The following DOK6 variants were observed in gnomAD, a reference collection of about 807,000 sequenced individuals.
DOK6 encodes downstream of tyrosine kinase 6.
In DOK6, 22 loss-of-function variants were observed where a neutral mutation model predicts 44.0. That is an observed-to-expected ratio of 0.50 (90% CI 0.36 to 0.71). DOK6 has a LOEUF of 0.71. Among genes scored for constraint, DOK6 ranks in the 30% least tolerant of loss-of-function variants. The probability of loss-of-function intolerance (pLI) is 0.00; values close to 1 mark genes in which losing one functional copy is unlikely to be tolerated. For synonymous variants in DOK6, 166 were observed against 145.5 expected (o/e 1.14, Z -1.01); for missense variants, 340 against 416.4 (o/e 0.82, Z 1.60).
intron 1 of DOK6, among the ~76,000 whole-genome samples, chr18:69,437,528 G>GGTACCA (rs1288199809): frequency 2.0e-5 from 3 of 151,926 alleles, no homozygotes; most frequent in Admixed American, 1.3e-4. Flanking sequence ...TATCTGTTTT[G>GGTACCA]GTACCAGTAC....
At chr18:69,495,617 C>T (rs148109787) in intron 1 of DOK6, among the ~76,000 whole-genome samples, 395 of 152,296 alleles carry the variant, frequency 2.6e-3, no homozygotes, top group African/African-American at 8.8e-3. Context: ...CACAAGTTCC[C>T]ACTCCTGTCA....
At chr18:69,525,616 A>G (rs1376670629) in intron 1 of DOK6, among the ~76,000 whole-genome samples, 1 of 152,004 alleles carries the variant, frequency 6.6e-6, no homozygotes. Flanking sequence ...CCCTGCTTTC[A>G]AATACTCCCT....
At chr18:69,821,802 A>ATTTTTT (rs1375476525) in intron 7 of DOK6, among the ~76,000 whole-genome samples, 35 of 147,618 alleles carry the variant, frequency 2.4e-4, no homozygotes, top group African/African-American at 7.7e-4. Flanking sequence ...TTTTTTTTAA[A>ATTTTTT]AAAAATCCTT....
intron 1 of DOK6, among the ~76,000 whole-genome samples, chr18:69,432,235 G>A (rs542589125): frequency 2.0e-5 from 3 of 152,286 alleles, no homozygotes; most frequent in Non-Finnish European, 2.9e-5. Flanking sequence ...TTGAGCCCAT[G>A]AGTTTGAGAC....
chr18:69,787,517 T>C lies in DOK6; in HGVS notation c.856+29644T>C, dbSNP rs192185437. ...AAAGTCATTTTATTTGTTTTTCTTC[T>C]GTCAAGGGTCACAGTCTTGTGCTGC... On this transcript the variant is annotated intron_variant, in intron 7 of 7. Coordinates refer to ENST00000382713, the MANE Select transcript of DOK6 (RefSeq NM_152721.6). 3.3e-3 allele frequency among the ~76,000 whole-genome samples: 509 copies of C among 152,306 alleles called. 8 individuals carry two copies. Among genetic ancestry groups the C allele is most frequent in the Non-Finnish European group, 1.7e-3 (118 of 68,020 alleles).
At chr18:69,421,381 G>T (rs2122407551) in intron 1 of DOK6, among the ~76,000 whole-genome samples, 1 of 152,268 alleles carries the variant, frequency 6.6e-6, no homozygotes. Context: ...GTGTAATGCA[G>T]ACAAAGAACT....
At chr18:69,611,711 A>T (rs1193485946) in intron 3 of DOK6, among the ~76,000 whole-genome samples, 2 of 152,200 alleles carry the variant, frequency 1.3e-5, no homozygotes, top group Non-Finnish European at 2.9e-5. Context: ...AAGTGACAGA[A>T]AGCACATCCC....
chr18:69,534,757 A>G (rs1217914989), intron 1 of DOK6, among the ~76,000 whole-genome samples: 1 of 152,030 alleles, frequency 6.6e-6, no homozygotes, highest in East Asian at 1.9e-4. Context: ...CATATTCTTA[A>G]TTCCAATACT....
At chr18:69,597,061 A>G (rs996007824) in intron 2 of DOK6, among the ~76,000 whole-genome samples, 2 of 151,910 alleles carry the variant, frequency 1.3e-5, no homozygotes, top group Non-Finnish European at 2.9e-5. Flanking sequence ...AAGATATAAA[A>G]TTATATAAAT....
chr18:69,456,839 C>A (rs749350057), intron 1 of DOK6, among the ~76,000 whole-genome samples: 1 of 152,100 alleles, frequency 6.6e-6, no homozygotes, highest in African/African-American at 2.4e-5. Context: ...TAATAATAGC[C>A]ATTTTGACTG....
At chr18:69,813,497 C>T (rs1015186089) in intron 7 of DOK6, among the ~76,000 whole-genome samples, 4 of 151,732 alleles carry the variant, frequency 2.6e-5, no homozygotes, top group African/African-American at 4.8e-5. Context: ...AATAGAAGCA[C>T]GGTTTATGCA....
intron 1 of DOK6, among the ~76,000 whole-genome samples, chr18:69,550,777 CTTTTT>C (rs10538639): frequency 2.0e-3 from 245 of 121,426 alleles, no homozygotes; most frequent in East Asian, 4.9e-3. Flanking sequence ...TTGTTTCTTT[CTTTTT>C]TTTTTTTTTT....
chr18:69,409,833 A>G (rs938113074), intron 1 of DOK6, among the ~76,000 whole-genome samples: 1 of 152,244 alleles, frequency 6.6e-6, no homozygotes, highest in African/African-American at 2.4e-5. Flanking sequence ...GAGTAAAATT[A>G]TACTTTTCAC....
At chr18:69,762,199 G>A (rs1448834846) in intron 7 of DOK6, among the ~76,000 whole-genome samples, 1 of 150,884 alleles carries the variant, frequency 6.6e-6, no homozygotes, top group Non-Finnish European at 1.5e-5. Flanking sequence ...ACATATTGCA[G>A]GGTATGATGG....
chr18:69,549,311 G>A (rs1982499112), intron 1 of DOK6, among the ~76,000 whole-genome samples: 1 of 151,390 alleles, frequency 6.6e-6, no homozygotes, highest in African/African-American at 2.4e-5. Context: ...TATGGGAGCT[G>A]CCATATTTAA....
intron 1 of DOK6, among the ~76,000 whole-genome samples, chr18:69,419,478 A>C (rs1473833707): frequency 2.0e-5 from 3 of 152,186 alleles, no homozygotes; most frequent in Admixed American, 2.0e-4. Flanking sequence ...TTTCAAAAGA[A>C]AAGTAATAGC....
intron 1 of DOK6, among the ~76,000 whole-genome samples, chr18:69,489,092 G>A (rs939535175): frequency 6.6e-6 from 1 of 152,090 alleles, no homozygotes; most frequent in African/African-American, 2.4e-5. Context: ...AAAGAACCAC[G>A]GCTGAACTCA....
At chr18:69,481,837 CAACA>C (rs1247943408) in intron 1 of DOK6, among the ~76,000 whole-genome samples, 1 of 152,196 alleles carries the variant, frequency 6.6e-6, no homozygotes, top group African/African-American at 2.4e-5. Context: ...ACACTCCCAC[CAACA>C]GAGTAAAAGT....
At chr18:69,478,733 C>T (rs927522565) in intron 1 of DOK6, among the ~76,000 whole-genome samples, 1 of 152,124 alleles carries the variant, frequency 6.6e-6, no homozygotes, top group Non-Finnish European at 1.5e-5. Flanking sequence ...AAGTTAACAT[C>T]TTCCATTACC....
Sources: allele counts gnomAD v4.1 joint callset (sites outside exome capture counted in the v4.1 genomes callset), GRCh38; gene constraint gnomAD v4.1.1; transcripts MANE v1.5; gene names NCBI Gene and HGNC (gene_info 2026-07-23, HGNC 2026-07-21).